PCDHA6: variants seen among roughly 807,000 people sequenced by gnomAD.
PCDHA6 encodes protocadherin alpha 6.
In PCDHA6, 55 loss-of-function variants were observed where a neutral mutation model predicts 60.3. The ratio of observed to expected loss-of-function variants is 0.91; its 90% CI spans 0.73 to 1.14. The LOEUF (loss-of-function observed/expected upper bound fraction) is 1.14. Among genes scored for constraint, PCDHA6 ranks in the 50% most tolerant of loss-of-function variants. The pLI, the probability that PCDHA6 is intolerant of heterozygous loss-of-function variation, is 0.00. For synonymous variants in PCDHA6, 652 were observed against 557.9 expected, an observed-to-expected ratio of 1.17 and a Z score of -2.38; for missense variants, 1,327 against 1,256.5, an observed-to-expected ratio of 1.06 and a Z score of -0.85.
chr5:140,848,968 C>G (rs2150427139), intron 1 of PCDHA6: 1 of 1,605,306 alleles, frequency 6.2e-7, no homozygotes, highest in East Asian at 2.2e-5. Flanking sequence ...GAGGGCGCGT[C>G]CGATGCAGAT....
Position 140,834,771 on chromosome 5 carries a change from C to A in PCDHA6, c.2394+4286C>A, listed in dbSNP as rs2150226115. 3 of 1,613,992 alleles carry A rather than the reference C, an allele frequency of 1.9e-6. No individual in the cohort carries two copies. In the South Asian group the frequency reaches 3.3e-5, roughly 18 times the overall value. On this transcript the variant is annotated intron_variant, in intron 1 of 3. Transcript: ENST00000529310. ...GGAGGTGAAGGACATTAACGACAAC[C>A]CTCCGGTGTTCCCAGCGACACAAAG...
intron 1 of PCDHA6, chr5:140,968,252 C>T: frequency 1.2e-6 from 2 of 1,613,948 alleles, no homozygotes; most frequent in Non-Finnish European, 1.7e-6. Context: ...AGCCACAGAC[C>T]CAGATGAAAA....
chr5:140,842,759 C>A (rs2150343672), intron 1 of PCDHA6: 1 of 1,594,806 alleles, frequency 6.3e-7, no homozygotes, highest in East Asian at 2.2e-5. Flanking sequence ...GGTGTCTGCG[C>A]GAGACGCGGA....
chr5:140,904,828 A>G (rs1196362639), intron 1 of PCDHA6, among the ~76,000 whole-genome samples: 7 of 151,794 alleles, frequency 4.6e-5, no homozygotes, highest in African/African-American at 1.7e-4. Flanking sequence ...GCATTTTTTT[A>G]TATGTTTCAT....
chr5:140,885,936 T>G (rs994325798), intron 1 of PCDHA6, among the ~76,000 whole-genome samples: 5 of 152,198 alleles, frequency 3.3e-5, no homozygotes, highest in Admixed American at 6.5e-5. Context: ...ATCTATTTTT[T>G]GACATTTTTA....
intron 1 of PCDHA6, chr5:140,875,653 C>G (rs1554167829): frequency 1.2e-6 from 2 of 1,613,682 alleles, no homozygotes; most frequent in Non-Finnish European, 8.5e-7. Context: ...GGAGCTGGTG[C>G]CGCGCCTGTT....
intron 1 of PCDHA6, chr5:140,863,366 C>T (rs1408958867): frequency 6.7e-6 from 8 of 1,190,328 alleles, no homozygotes; most frequent in African/African-American, 4.6e-5. Flanking sequence ...CGGTGCTTGG[C>T]GCAGCTCACC....
At chr5:140,941,167 A>G (rs1352007891) in intron 1 of PCDHA6, among the ~76,000 whole-genome samples, 2 of 144,982 alleles carry the variant, frequency 1.4e-5, no homozygotes, top group Non-Finnish European at 3.1e-5. Flanking sequence ...AAGACTCCCC[A>G]TCTTGAACAT....
At chr5:140,863,749 G>C (rs1346198553) in intron 1 of PCDHA6, 1 of 245,376 alleles carries the variant, frequency 4.1e-6, no homozygotes, top group Non-Finnish European at 8.0e-6. Flanking sequence ...TTGTAATCCC[G>C]GCACTTTGGG....
In PCDHA6 at chr5:140,836,401, G is replaced by T. The variant is rs2150259872; in HGVS notation, c.2394+5916G>T. 16 of 1,613,770 alleles carry T rather than the reference G, an allele frequency of 9.9e-6. 1 individual carries two copies. The African/African-American group carries it at 2.0e-4, about 20-fold the overall frequency. On this transcript the variant is annotated intron_variant, in intron 1 of 3. Transcript: ENST00000529310. ...GTGCTGGTGTCGCTGGTGGAAAGCG[G>T]CCAGGCACCAAAGGCGTCGTCGCGG...
chr5:140,883,559 G>A (rs2059672435), intron 1 of PCDHA6: 5 of 1,614,074 alleles, frequency 3.1e-6, no homozygotes, highest in Non-Finnish European at 4.2e-6. Context: ...GCGGGACGGG[G>A]GCTCGCCTTC....
At chr5:140,942,580 G>A (rs782743450) in intron 1 of PCDHA6, among the ~76,000 whole-genome samples, 4 of 151,104 alleles carry the variant, frequency 2.6e-5, no homozygotes, top group Non-Finnish European at 5.9e-5. Flanking sequence ...TCCCATATAG[G>A]ATGTCACATA....
At chr5:140,846,491 C>T (rs1471835490) in intron 1 of PCDHA6, among the ~76,000 whole-genome samples, 1 of 146,532 alleles carries the variant, frequency 6.8e-6, no homozygotes, top group Non-Finnish European at 1.5e-5. Context: ...TCTCCTTCCT[C>T]AGCCTCCCAA....
Position 140,828,509 on chromosome 5 carries a change from G to C in PCDHA6, c.418G>C (p.Val140Leu), listed in dbSNP as rs2150156220. 7.7e-5 allele frequency: 125 copies of C among 1,614,278 alleles called. 6 individuals are homozygous for C. The South Asian group carries it at 1.4e-3, about 18-fold the overall frequency. ...CTTGTTCCCGGTAGAGGAACAAAGAGTGCTGATTTACGAATCTAGGCTGCC... is the reference window on the plus strand; with the variant it reads ...CTTGTTCCCGGTAGAGGAACAAAGACTGCTGATTTACGAATCTAGGCTGCC... ...PPLFPVEEQR[V>L]LIYESRLPDS... Residue 140 changes from valine (V) to leucine (L), a missense_variant, in exon 1 of 4, where the codon GTG (valine) becomes CTG (leucine). Val to Leu is a conservative substitution (Grantham distance 32). Transcript: ENST00000529310.
At chr5:140,936,266 A>G (rs1407459228) in intron 1 of PCDHA6, among the ~76,000 whole-genome samples, 1 of 152,182 alleles carries the variant, frequency 6.6e-6, no homozygotes, top group African/African-American at 2.4e-5. Context: ...TCATGAAGAT[A>G]TATTCCTGTG....
rs368758287 is a variant in PCDHA6 at position 140,883,621 on chromosome 5, C to A, written c.2394+53136C>A. On this transcript the variant is annotated intron_variant, in intron 1 of 3. Transcript: ENST00000529310. ...TGGGGGTGGCCGACGTGAACGACAACGCGCCGGCGTTCGCGCAGCCCGAGT... is the reference window on the plus strand; with the variant it reads ...TGGGGGTGGCCGACGTGAACGACAAAGCGCCGGCGTTCGCGCAGCCCGAGT... 5 of 1,613,850 alleles carry A rather than the reference C, an allele frequency of 3.1e-6. No individual in the cohort carries two copies. In the African/African-American group the frequency reaches 4.0e-5, roughly 13 times the overall value.
chr5:140,837,972 C>A (rs929090739), intron 1 of PCDHA6, among the ~76,000 whole-genome samples: 3 of 151,768 alleles, frequency 2.0e-5, no homozygotes, highest in Admixed American at 2.0e-4. Flanking sequence ...AACAACCACA[C>A]CCAGCCTGCC....
rs782009999 is a variant in PCDHA6, at chr5:140,928,473, C to G, written c.2395-50476C>G. 25 of 1,614,096 alleles carry G rather than the reference C, an allele frequency of 1.5e-5. No individual in the cohort carries two copies. The East Asian group carries it at 2.5e-4, about 16-fold the overall frequency. ...GGGGGTTTCATTTCCAAGTAGAAGGCCGGGATGGTGGCATTCCTCCCAGAA... is the reference window on the plus strand; with the variant it reads ...GGGGGTTTCATTTCCAAGTAGAAGGGCGGGATGGTGGCATTCCTCCCAGAA... On this transcript the variant is annotated intron_variant, in intron 1 of 3. Transcript: ENST00000529310.
At chr5:140,986,862 G>A (rs1441287999) in intron 3 of PCDHA6, among the ~76,000 whole-genome samples, 2 of 152,068 alleles carry the variant, frequency 1.3e-5, no homozygotes, top group East Asian at 1.9e-4. Flanking sequence ...AACAATACCC[G>A]GAAACTTGTT....
Sources: allele counts gnomAD v4.1 joint callset (sites outside exome capture counted in the v4.1 genomes callset), GRCh38; gene constraint gnomAD v4.1.1; transcripts MANE v1.5; gene names NCBI Gene and HGNC (gene_info 2026-07-23, HGNC 2026-07-21).